RFXANK: variants seen among roughly 807,000 people sequenced by gnomAD.
The protein encoded by RFXANK is DNA-binding protein RFXANK.
RFXANK carries 19 observed loss-of-function variants against 34.5 expected under a neutral mutation model. The ratio of observed to expected loss-of-function variants is 0.55; its 90% CI spans 0.38 to 0.81. The LOEUF (loss-of-function observed/expected upper bound fraction) is 0.81, where lower values mean the gene tolerates loss of function less well. Ranked by LOEUF, RFXANK falls within the 30% of genes least tolerant of loss-of-function variation. The pLI is 0.00. For synonymous variants in RFXANK, 154 were observed against 149.8 expected, an observed-to-expected ratio of 1.03 and a Z score of -0.20; for missense variants, 295 against 343.5, an observed-to-expected ratio of 0.86 and a Z score of 1.12.
rs532455874 is a variant in RFXANK at position 19,200,445 on chromosome 19, G to A, written c.713-1204G>A. On this transcript the variant is annotated intron_variant, in intron 9 of 9. Transcript: ENST00000303088. ...CCTGTGTTGGCCTCCCAAAGTGCTG[G>A]GATTACAGGTGTGAGCCACCACGCC... Among the ~76,000 whole-genome samples, 234 of 152,038 alleles carry A rather than the reference G, an allele frequency of 1.5e-3. 3 individuals are homozygous for A. Among genetic ancestry groups the A allele is most frequent in the African/African-American group, 5.2e-3 (217 of 41,440 alleles).
In RFXANK at chr19:19,192,535, T is replaced by A. The variant is rs945728066; in HGVS notation, c.-169T>A. 1.0e-5 allele frequency: 2 copies of A among 192,478 alleles called. No homozygotes were observed. Among genetic ancestry groups the A allele is most frequent in the Admixed American group, 1.2e-4 (2 of 16,936 alleles). The allele number at this position is 192,478 out of a possible 1,614,324, so 11.9% of individuals were successfully genotyped here. ...TTTGAGACCGCAGAAGGGACCTTGT[T>A]GTGGAACGGGACGGCCAAGGTACGC... On this transcript the variant is annotated 5_prime_UTR_variant, in exon 1 of 10. Transcript: ENST00000303088.
In RFXANK at chr19:19,192,358, C is replaced by T. The variant is rs2060497129; in HGVS notation, c.-346C>T. The T allele has an allele frequency of 1.7e-6, 1 of 585,980 alleles. No homozygotes were observed. The highest frequency in any genetic ancestry group is 3.0e-6 in the Non-Finnish European group (1 of 329,538). 36.3% of individuals were successfully genotyped at this position (585,980 alleles called of 1,614,324 possible). On this transcript the variant is annotated 5_prime_UTR_variant, in exon 1 of 10. Coordinates refer to ENST00000303088, the MANE Select transcript of RFXANK (RefSeq NM_003721.4). ...CGCGACGGCCAGGAGGCTGGTGGAG[C>T]GACACCCAGGCAGGAGAGGGGGAAG...
chr19:19,198,120 A>ACATCCTGGCAAAAGAGCGAGAGAG lies in RFXANK; in HGVS notation c.454_477dup (p.Ile152_Ser159dup). 1 of 1,613,510 alleles carries ACATCCTGGCAAAAGAGCGAGAGAG rather than the reference A, an allele frequency of 6.2e-7. No individual in the cohort carries two copies. Among genetic ancestry groups the ACATCCTGGCAAAAGAGCGAGAGAG allele is most frequent in the Non-Finnish European group, 8.5e-7 (1 of 1,179,900 alleles). On this transcript the variant is annotated inframe_insertion, in exon 7 of 10. Transcript: ENST00000303088. ...TTCTCCCTGCAGGGTGCCGACCCCCACATCCTGGCAAAAGAGCGAGAGAGC... is the reference window on the plus strand; with the variant it reads ...TTCTCCCTGCAGGGTGCCGACCCCCACATCCTGGCAAAAGAGCGAGAGAGCATCCTGGCAAAAGAGCGAGAGAGC...
chr19:19,198,698 C>A lies in RFXANK; in HGVS notation c.606C>A (p.His202Gln), dbSNP rs554811149. 7 of 1,613,996 alleles carry A rather than the reference C, an allele frequency of 4.3e-6. No homozygotes were observed. The highest frequency in any genetic ancestry group is 3.3e-5 in the South Asian group (3 of 91,090). The change falls in exon 8 of 10, where the codon CAC becomes CAA. Residue 202 changes from histidine to glutamine, a missense_variant. Transcript: ENST00000303088. ...TGCTGTACGCTGTGCGCGGGAACCACGTGAAATGCGTTGAGGCCTTGCTGG... is the reference window on the plus strand; with the variant it reads ...TGCTGTACGCTGTGCGCGGGAACCAAGTGAAATGCGTTGAGGCCTTGCTGG... ...TPLLYAVRGN[H>Q]VKCVEALLAR...
chr19:19,200,818 G>C (rs2060699656), intron 9 of RFXANK: 1 of 77,846 alleles, frequency 1.3e-5, no homozygotes, highest in African/African-American at 7.1e-5. Flanking sequence ...TTTTTTTTGA[G>C]ATGGAGTTTC....
chr19:19,199,583 AG>A (rs996911950), intron 9 of RFXANK, among the ~76,000 whole-genome samples: 1 of 151,922 alleles, frequency 6.6e-6, no homozygotes, highest in African/African-American at 2.4e-5. Context: ...GACCCCGAGA[AG>A]TGAGGTGGGC....
chr19:19,196,763 G>A, intron 3 of RFXANK, among the ~76,000 whole-genome samples, 200 bp from the exon 4 acceptor site: 1 of 152,080 alleles, frequency 6.6e-6, no homozygotes, highest in African/African-American at 2.4e-5. Flanking sequence ...TACTCGGGAG[G>A]CTGAGGCACA....
rs576302120 is a variant in RFXANK at position 19,197,631 on chromosome 19, A to G, written c.438+10A>G. The G allele has an allele frequency of 3.1e-6, 5 of 1,612,938 alleles. No individual in the cohort carries two copies. In the East Asian group the frequency reaches 1.1e-4, roughly 36 times the overall value. On this transcript the variant is annotated intron_variant, in intron 6 of 9. Coordinates refer to ENST00000303088, the MANE Select transcript of RFXANK (RefSeq NM_003721.4). ...CTTCCTGCTGGAGTGGGTGCGTCCCAGCCCAGCTGGGCAGCTGGGGGGTTC... is the reference window on the plus strand; with the variant it reads ...CTTCCTGCTGGAGTGGGTGCGTCCCGGCCCAGCTGGGCAGCTGGGGGGTTC...
intron 3 of RFXANK, 70 bp downstream of exon 3, chr19:19,194,203 C>T: frequency 6.7e-7 from 1 of 1,486,220 alleles, no homozygotes; most frequent in Admixed American, 1.7e-5. Flanking sequence ...TCACATGGAA[C>T]CTGTGTCTTG....
Position 19,200,729 on chromosome 19 carries a change from C to G in RFXANK, c.713-920C>G, listed in dbSNP as rs138179371. 284 of 153,632 alleles carry G rather than the reference C, an allele frequency of 1.8e-3. 1 individual carries two copies. Among genetic ancestry groups the G allele is most frequent in the African/African-American group, 6.5e-3 (267 of 41,260 alleles). 9.5% of individuals were successfully genotyped at this position (153,632 alleles called of 1,614,324 possible). A position where few individuals can be genotyped will look rare whatever the true frequency, so the allele number is the denominator to read the frequency against. On this transcript the variant is annotated intron_variant, in intron 9 of 9. Coordinates refer to ENST00000303088, the MANE Select transcript of RFXANK (RefSeq NM_003721.4). ...ACCTCTGCCTCCCAGGCAAACAATT[C>G]TCCTGCCTCAGCCTCCTGAATAGCT...
chr19:19,196,782 T>A (rs953498795), intron 3 of RFXANK, among the ~76,000 whole-genome samples, 181 bp from the exon 4 acceptor site: 4 of 151,858 alleles, frequency 2.6e-5, no homozygotes, highest in African/African-American at 9.7e-5. Context: ...CAAGAATCGC[T>A]TGAACCCAGG....
At chr19:19,198,356 T>G in intron 7 of RFXANK, 124 bp downstream of exon 7, 5 of 1,433,984 alleles carry the variant, frequency 3.5e-6, no homozygotes, top group Non-Finnish European at 4.8e-6. Context: ...ACAGCCCCAT[T>G]CCCAGCCTCA....
chr19:19,195,225 A>G (rs575259403), intron 3 of RFXANK, among the ~76,000 whole-genome samples: 14 of 128,396 alleles, frequency 1.1e-4, no homozygotes, highest in African/African-American at 4.3e-4. Context: ...TTTTTTTTAA[A>G]TGGAGGTTTG....
At position 19,196,960 on chromosome 19, in the gene RFXANK, C is replaced by T. The variant is rs1359336817; in HGVS notation, c.188-3C>T. 4 of 1,611,224 alleles carry T rather than the reference C, an allele frequency of 2.5e-6. No individual in the cohort carries two copies. The highest frequency in any genetic ancestry group is 3.4e-6 in the Non-Finnish European group (4 of 1,179,866). On this transcript the variant is annotated splice_polypyrimidine_tract_variant and splice_region_variant and intron_variant, in intron 3 of 9. Coordinates refer to ENST00000303088, the MANE Select transcript of RFXANK (RefSeq NM_003721.4). ...AAACTGACGCCTGTTGTCTGTTTCC[C>T]AGCAGGCAGCTCCCTGAAGCACTCC...
At chr19:19,201,467 T>C (rs775028129) in intron 9 of RFXANK, 182 bp from the exon 10 acceptor site, 2 of 1,564,666 alleles carry the variant, frequency 1.3e-6, no homozygotes, top group East Asian at 4.7e-5. Flanking sequence ...AGTGCATTTT[T>C]ACAAACTTAG....
chr19:19,193,616 A>G (rs921066721), intron 2 of RFXANK, among the ~76,000 whole-genome samples: 2 of 151,954 alleles, frequency 1.3e-5, no homozygotes, highest in Non-Finnish European at 2.9e-5. Context: ...GGGTTTCACC[A>G]TGGTGGCCAG....
At chr19:19,196,700 A>G (rs2060604946) in intron 3 of RFXANK, among the ~76,000 whole-genome samples, 1 of 152,090 alleles carries the variant, frequency 6.6e-6, no homozygotes, top group Admixed American at 6.6e-5. Context: ...CCCCGTCTCT[A>G]CTTAAAATAC....
At chr19:19,200,467 C>T (rs930850268) in intron 9 of RFXANK, among the ~76,000 whole-genome samples, 3 of 151,908 alleles carry the variant, frequency 2.0e-5, no homozygotes, top group East Asian at 1.9e-4. Flanking sequence ...TGAGCCACCA[C>T]GCCTGGCTGT....
intron 3 of RFXANK, among the ~76,000 whole-genome samples, chr19:19,194,432 C>T (rs1264605112): frequency 6.6e-6 from 1 of 152,152 alleles, no homozygotes; most frequent in East Asian, 1.9e-4. Flanking sequence ...GACGGGGTTT[C>T]ACCATGTTGG....
Sources: allele counts gnomAD v4.1 joint callset (sites outside exome capture counted in the v4.1 genomes callset), GRCh38; gene constraint gnomAD v4.1.1; transcripts MANE v1.5; gene names NCBI Gene and HGNC (gene_info 2026-07-23, HGNC 2026-07-21).